GRIA4: variants seen among roughly 807,000 people sequenced by gnomAD.
GRIA4 encodes glutamate receptor 4.
A neutral mutation model predicts 104.0 loss-of-function variants in GRIA4; 34 were observed. That is an observed-to-expected ratio of 0.33 (90% CI 0.25 to 0.44). GRIA4 has a LOEUF of 0.44. Ranked by LOEUF, GRIA4 falls within the 20% of genes least tolerant of loss-of-function variation. The pLI is 1.00. For missense variants in GRIA4, 750 were observed against 1,096.5 expected (o/e 0.68, Z 4.46); for synonymous variants, 386 against 381.9 (o/e 1.01, Z -0.13).
At chr11:105,954,955 TA>T (rs1948548356) in intron 14 of GRIA4, among the ~76,000 whole-genome samples, 2 of 149,446 alleles carry the variant, frequency 1.3e-5, no homozygotes. Flanking sequence ...GTTATATATA[TA>T]ATGCTATATA....
In GRIA4 at chr11:105,979,567, C is replaced by A. The variant is rs776605208; in HGVS notation, c.2545-8C>A. 13 of 1,613,268 alleles carry A rather than the reference C, an allele frequency of 8.1e-6. No individual in the cohort carries two copies. The highest frequency in any genetic ancestry group is 1.1e-5 in the Non-Finnish European group (13 of 1,179,344). On this transcript the variant is annotated splice_polypyrimidine_tract_variant and splice_region_variant and intron_variant, in intron 16 of 16. Transcript: ENST00000282499. The stretch of plus-strand genomic sequence containing the variant: ...GCGTTCTTTCTGCTTCCTTTCCATG[C>A]AACCCAGCTGACCTTTTCTGAAGCC...
rs758893535 is a variant in GRIA4 at position 105,926,949 on chromosome 11, G to A, written c.2046+10G>A. On this transcript the variant is annotated intron_variant, in intron 13 of 16. Coordinates refer to ENST00000282499, the MANE Select transcript of GRIA4 (RefSeq NM_000829.4). ...AAAAGAATTCTTCAGAGTAAGTTAA[G>A]GGAAAAACTAAAAATGAAATGTTTA... 14 of 1,560,434 alleles carry A rather than the reference G, an allele frequency of 9.0e-6. No individual in the cohort carries two copies. Among genetic ancestry groups the A allele is most frequent in the Admixed American group, 1.7e-5 (1 of 59,288 alleles).
At chr11:105,689,971 T>C (rs1306902565) in intron 3 of GRIA4, among the ~76,000 whole-genome samples, 1 of 152,232 alleles carries the variant, frequency 6.6e-6, no homozygotes, top group Non-Finnish European at 1.5e-5. Flanking sequence ...TGGCAGCTTC[T>C]GGGCCACAAG....
intron 4 of GRIA4, among the ~76,000 whole-genome samples, chr11:105,790,004 C>A (rs990903409): frequency 2.0e-5 from 3 of 152,170 alleles, no homozygotes; most frequent in East Asian, 1.9e-4. Context: ...CTGAATCACA[C>A]AAGGGGACTT....
chr11:105,953,629 A>G (rs1948512744), intron 14 of GRIA4, among the ~76,000 whole-genome samples: 1 of 1,846 alleles, frequency 5.4e-4, no homozygotes, highest in Admixed American at 0.011. Flanking sequence ...ATGTATACAC[A>G]TACACACACA....
intron 4 of GRIA4, among the ~76,000 whole-genome samples, chr11:105,767,784 C>A (rs145678536): frequency 5.9e-5 from 9 of 151,932 alleles, no homozygotes; most frequent in African/African-American, 2.2e-4. Context: ...GAGAAAAATG[C>A]GACCCATAGA....
chr11:105,746,441 G>C (rs1335814035), intron 3 of GRIA4, among the ~76,000 whole-genome samples: 2 of 150,632 alleles, frequency 1.3e-5, no homozygotes. Context: ...AGTGCACAGA[G>C]TATTATGGCA....
At chr11:105,881,054 G>C (rs1019895310) in intron 5 of GRIA4, among the ~76,000 whole-genome samples, 13 of 152,206 alleles carry the variant, frequency 8.5e-5, no homozygotes, top group African/African-American at 3.1e-4. Flanking sequence ...GAGGAGTAGA[G>C]AAATTTAGTC....
chr11:105,717,881 G>A (rs1440763130), intron 3 of GRIA4, among the ~76,000 whole-genome samples: 1 of 105,594 alleles, frequency 9.5e-6, no homozygotes, highest in East Asian at 2.8e-4. Context: ...CCCCACAACA[G>A]TCCCCATGGA....
At chr11:105,887,911 T>A (rs982669871) in intron 6 of GRIA4, among the ~76,000 whole-genome samples, 1 of 152,212 alleles carries the variant, frequency 6.6e-6, no homozygotes, top group Admixed American at 6.6e-5. Flanking sequence ...ATAAGAATGA[T>A]CTAAACTAAT....
chr11:105,812,343 T>C (rs1489060402), intron 4 of GRIA4, among the ~76,000 whole-genome samples: 2 of 152,188 alleles, frequency 1.3e-5, no homozygotes, highest in African/African-American at 2.4e-5. Flanking sequence ...GGTGAATTTG[T>C]TGTGAATAGT....
At chr11:105,968,206 G>A (rs2049581414) in intron 14 of GRIA4, among the ~76,000 whole-genome samples, 1 of 152,166 alleles carries the variant, frequency 6.6e-6, no homozygotes, top group Non-Finnish European at 1.5e-5. Flanking sequence ...AGGGAAATAT[G>A]GAAACCTGTA....
At chr11:105,854,066 C>T (rs1443396929) in intron 4 of GRIA4, among the ~76,000 whole-genome samples, 1 of 152,142 alleles carries the variant, frequency 6.6e-6, no homozygotes, top group African/African-American at 2.4e-5. Flanking sequence ...TATCGAGTCC[C>T]TTTTAGATGC....
intron 12 of GRIA4, among the ~76,000 whole-genome samples, chr11:105,926,258 C>T (rs1947702323): frequency 6.6e-6 from 1 of 152,046 alleles, no homozygotes; most frequent in Non-Finnish European, 1.5e-5. Flanking sequence ...AAGGTATTTA[C>T]AAACTTGCAT....
chr11:105,972,192 A>G (rs573994536), intron 15 of GRIA4, among the ~76,000 whole-genome samples, 164 bp downstream of exon 15: 2 of 152,338 alleles, frequency 1.3e-5, no homozygotes, highest in African/African-American at 4.8e-5. Flanking sequence ...TGGTCTTCCC[A>G]GGAAACTGCA....
At chr11:105,739,892 A>G (rs1939201250) in intron 3 of GRIA4, among the ~76,000 whole-genome samples, 1 of 152,210 alleles carries the variant, frequency 6.6e-6, no homozygotes. Flanking sequence ...GGTAAAAATT[A>G]AGTTAATATA....
intron 3 of GRIA4, among the ~76,000 whole-genome samples, chr11:105,672,748 T>A (rs1191900128): frequency 6.6e-6 from 1 of 152,068 alleles, no homozygotes; most frequent in Non-Finnish European, 1.5e-5. Context: ...TACACACAAT[T>A]TACCTGCAAG....
chr11:105,933,981 A>G lies in GRIA4; in HGVS notation c.2294+12A>G, dbSNP rs1947958048. On this transcript the variant is annotated intron_variant, in intron 14 of 16. Transcript: ENST00000282499. Reference sequence around the variant, plus strand: ...GGTTCCTCATTAAGGTGGGTGGAATAGTATAACAATATAACATGTGTTGTT... The same window carrying G: ...GGTTCCTCATTAAGGTGGGTGGAATGGTATAACAATATAACATGTGTTGTT... The G allele has an allele frequency of 6.2e-7, 1 of 1,603,014 alleles. No homozygotes were observed. The highest frequency in any genetic ancestry group is 8.5e-7 in the Non-Finnish European group (1 of 1,172,648).
chr11:105,630,092 C>T (rs1468846755), intron 3 of GRIA4, among the ~76,000 whole-genome samples: 2 of 152,072 alleles, frequency 1.3e-5, no homozygotes, highest in African/African-American at 2.4e-5. Context: ...TTCTGACCAC[C>T]CCAGATTGAT....
Sources: gnomAD v4.1 joint callset for allele counts (sites outside exome capture counted in the v4.1 genomes callset) on GRCh38, gnomAD v4.1.1 for gene constraint, MANE v1.5 for transcripts, NCBI Gene and HGNC (gene_info 2026-07-23, HGNC 2026-07-21) for gene names.